AP4S1: variants seen among roughly 807,000 people sequenced by gnomAD.
AP4S1 encodes the protein adaptor related protein complex 4 subunit sigma 1, also known as AP-4 complex subunit sigma-1.
AP4S1 carries 23 observed loss-of-function variants against 19.8 expected under a neutral mutation model. The observed-to-expected ratio is 1.16, with a 90% CI of 0.84 to 1.65. The LOEUF (loss-of-function observed/expected upper bound fraction) is 1.65, where lower values mean the gene tolerates loss of function less well. AP4S1 is among the 40% of genes most tolerant of loss of function. The probability of loss-of-function intolerance (pLI) is 0.00; values close to 1 mark genes in which losing one functional copy is unlikely to be tolerated. For missense variants in AP4S1, 166 were observed against 172.8 expected (o/e 0.96, Z 0.22); for synonymous variants, 46 against 54.1 (o/e 0.85, Z 0.66).
intron 1 of AP4S1, among the ~76,000 whole-genome samples, chr14:31,041,306 C>T (rs1885099763): frequency 6.6e-6 from 1 of 151,998 alleles, no homozygotes; most frequent in African/African-American, 2.4e-5. Flanking sequence ...CCTGCCACCA[C>T]ACCCAGCTAA....
intron 1 of AP4S1, among the ~76,000 whole-genome samples, chr14:31,047,338 C>T (rs2139476842): frequency 6.6e-6 from 1 of 150,440 alleles, no homozygotes; most frequent in South Asian, 2.1e-4. Context: ...GGTGTGTGGG[C>T]AGGGGGAAGT....
At chr14:31,084,605 A>G (rs912544646) in intron 5 of AP4S1, among the ~76,000 whole-genome samples, 3 of 152,218 alleles carry the variant, frequency 2.0e-5, no homozygotes, top group Admixed American at 6.5e-5. Flanking sequence ...TTCACGTGCT[A>G]TGAATACACT....
intron 1 of AP4S1, among the ~76,000 whole-genome samples, chr14:31,054,256 ATAT>A (rs1566524102): frequency 2.0e-5 from 3 of 152,258 alleles, no homozygotes; most frequent in Non-Finnish European, 4.4e-5. Context: ...TCAGTTGGTC[ATAT>A]TATATTATAA....
chr14:31,083,512 T>TTC (rs10678781), intron 5 of AP4S1: 1 of 421,782 alleles, frequency 2.4e-6, no homozygotes, highest in African/African-American at 2.5e-5. Context: ...TTTTTTTTTT[T>TTC]TTTTTTTTTT....
intron 1 of AP4S1, among the ~76,000 whole-genome samples, chr14:31,032,085 AAAAAAAG>A (rs1566508545): frequency 7.0e-6 from 1 of 143,870 alleles, no homozygotes; most frequent in African/African-American, 2.6e-5. Flanking sequence ...AAAAAAAAAA[AAAAAAAG>A]AAAAAAGAGC....
intron 1 of AP4S1, among the ~76,000 whole-genome samples, chr14:31,042,749 A>T (rs1885178440): frequency 6.6e-6 from 1 of 152,220 alleles, no homozygotes; most frequent in Non-Finnish European, 1.5e-5. Context: ...TATCCTTTTC[A>T]GTAAAACATT....
intron 1 of AP4S1, among the ~76,000 whole-genome samples, chr14:31,063,957 G>A (rs1209595259): frequency 1.3e-5 from 2 of 152,146 alleles, no homozygotes; most frequent in African/African-American, 2.4e-5. Context: ...ATCACAAAAC[G>A]TGAATACAAT....
intron 4 of AP4S1, 50 bp downstream of exon 4, chr14:31,073,023 G>C: frequency 7.0e-7 from 1 of 1,425,812 alleles, no homozygotes; most frequent in Non-Finnish European, 9.9e-7. Flanking sequence ...CAGTTTCCCA[G>C]AAATTGAGTC....
intron 1 of AP4S1, among the ~76,000 whole-genome samples, chr14:31,030,873 A>T (rs925026270): frequency 1.3e-5 from 2 of 152,188 alleles, no homozygotes; most frequent in Admixed American, 1.3e-4. Flanking sequence ...CTGCCTATTT[A>T]AAGAATTCCA....
intron 5 of AP4S1, among the ~76,000 whole-genome samples, chr14:31,087,634 T>C (rs1887956185): frequency 2.0e-5 from 3 of 152,180 alleles, no homozygotes; most frequent in Non-Finnish European, 4.4e-5. Context: ...GGATTACAGG[T>C]GTGAGCCACT....
chr14:31,061,438 T>G (rs545819820), intron 1 of AP4S1, among the ~76,000 whole-genome samples: 1 of 152,310 alleles, frequency 6.6e-6, no homozygotes, highest in African/African-American at 2.4e-5. Flanking sequence ...ACTGGTATTC[T>G]GACAGCCGAG....
intron 4 of AP4S1, among the ~76,000 whole-genome samples, chr14:31,077,667 T>A (rs932440016): frequency 2.4e-4 from 36 of 152,174 alleles, no homozygotes; most frequent in African/African-American, 8.4e-4. Context: ...TTCTGGTACA[T>A]GCTTAATTTT....
intron 1 of AP4S1, 148 bp downstream of exon 1, chr14:31,025,935 G>A: frequency 6.2e-7 from 1 of 1,600,388 alleles, no homozygotes; most frequent in Non-Finnish European, 8.5e-7. Context: ...CTCCCAGTGC[G>A]CCCGCTCCAT....
At chr14:31,061,233 G>A (rs555280718) in intron 1 of AP4S1, among the ~76,000 whole-genome samples, 21 of 152,204 alleles carry the variant, frequency 1.4e-4, no homozygotes, top group African/African-American at 4.1e-4. Flanking sequence ...TGGCCAGGCT[G>A]GTCTCAAACC....
At chr14:31,055,283 A>G (rs1441890703) in intron 1 of AP4S1, among the ~76,000 whole-genome samples, 1 of 152,096 alleles carries the variant, frequency 6.6e-6, no homozygotes, top group Non-Finnish European at 1.5e-5. Context: ...TACAGACAGG[A>G]TTATCAGCTC....
intron 3 of AP4S1, among the ~76,000 whole-genome samples, chr14:31,070,824 G>C (rs934165726): frequency 6.6e-6 from 1 of 152,122 alleles, no homozygotes; most frequent in Non-Finnish European, 1.5e-5. Context: ...AGGCAGAGGT[G>C]GGCAGATCAT....
intron 2 of AP4S1, among the ~76,000 whole-genome samples, chr14:31,066,969 G>T (rs7159175): frequency 0.98 from 149,615 of 152,358 alleles, 73,566 homozygotes; most frequent in Middle Eastern, 1. Flanking sequence ...GTGCAATGGC[G>T]CACGCCTGTA....
At chr14:31,042,639 G>A (rs1052069374) in intron 1 of AP4S1, among the ~76,000 whole-genome samples, 40 of 152,154 alleles carry the variant, frequency 2.6e-4, no homozygotes, top group African/African-American at 8.9e-4. Context: ...AGTTTTTCTC[G>A]CCAGCCTGGA....
chr14:31,031,660 A>G (rs1243819047), intron 1 of AP4S1, among the ~76,000 whole-genome samples: 10 of 152,036 alleles, frequency 6.6e-5, no homozygotes, highest in Admixed American at 6.6e-4. Context: ...CTCTGGAGAG[A>G]GCTTCTAGAA....
Sources: gnomAD v4.1 joint callset for allele counts (sites outside exome capture counted in the v4.1 genomes callset) on GRCh38, gnomAD v4.1.1 for gene constraint, MANE v1.5 for transcripts, NCBI Gene and HGNC (gene_info 2026-07-23, HGNC 2026-07-21) for gene names.